Variants in STARD5 observed in about 807,000 individuals in gnomAD.
STARD5 encodes stAR-related lipid transfer protein 5.
STARD5 carries 26 observed loss-of-function variants against 24.6 expected under a neutral mutation model. The ratio of observed to expected loss-of-function variants is 1.06; its 90% CI spans 0.77 to 1.47. The LOEUF is 1.47. STARD5 is among the 40% of genes most tolerant of loss of function. The pLI is 0.00. For synonymous variants in STARD5, 101 were observed against 99.7 expected (o/e 1.01, Z -0.07); for missense variants, 254 against 270.8 (o/e 0.94, Z 0.44).
At chr15:81,319,811 C>T (rs1901159816) in intron 3 of STARD5, among the ~76,000 whole-genome samples, 1 of 152,170 alleles carries the variant, frequency 6.6e-6, no homozygotes, top group Non-Finnish European at 1.5e-5. Context: ...ATCATTAATC[C>T]CTCCTACAGG....
At chr15:81,321,270 T>C (rs1901189188) in intron 3 of STARD5, among the ~76,000 whole-genome samples, 1 of 152,218 alleles carries the variant, frequency 6.6e-6, no homozygotes, top group Non-Finnish European at 1.5e-5. Context: ...AATATAATCA[T>C]GTTATTTTAA....
At chr15:81,315,875 C>A (rs1194790578) in intron 5 of STARD5, among the ~76,000 whole-genome samples, 1 of 152,194 alleles carries the variant, frequency 6.6e-6, no homozygotes, top group Non-Finnish European at 1.5e-5. Context: ...CTGGAGTTCA[C>A]CCTCTTTGGG....
At chr15:81,318,746 ACACT>A (rs1328168310) in intron 4 of STARD5, among the ~76,000 whole-genome samples, 16 of 152,308 alleles carry the variant, frequency 1.1e-4, no homozygotes, top group Non-Finnish European at 1.3e-4. Flanking sequence ...GCACTCACAC[ACACT>A]CACTCATCCA....
intron 3 of STARD5, among the ~76,000 whole-genome samples, chr15:81,320,891 C>G (rs1596072030): frequency 1.3e-5 from 2 of 152,240 alleles, no homozygotes; most frequent in South Asian, 4.1e-4. Context: ...ATGCGACAAA[C>G]TCATGGCATG....
intron 4 of STARD5, among the ~76,000 whole-genome samples, chr15:81,319,104 A>C (rs931811937): frequency 6.6e-5 from 10 of 150,394 alleles, no homozygotes; most frequent in African/African-American, 2.5e-4. Flanking sequence ...GAAAAAAAAA[A>C]AAGGGGCACT....
chr15:81,320,947 T>C (rs1343747510), intron 3 of STARD5, among the ~76,000 whole-genome samples: 1 of 152,236 alleles, frequency 6.6e-6, no homozygotes, highest in Admixed American at 6.5e-5. Context: ...ATCATCTATC[T>C]ATTTTAGAAT....
Position 81,319,393 on chromosome 15 carries a change from A to G in STARD5, c.346T>C (p.Phe116Leu). 6.2e-7 allele frequency: 1 copy of G among 1,614,192 alleles called. No individual in the cohort carries two copies. Among genetic ancestry groups the G allele is most frequent in the African/African-American group, 1.3e-5 (1 of 75,054 alleles). ...CTCTTGACTAGCACCAAGTCCACAA[A>G]ATCTCTGGGAGAAATGAGCTTCATG... ...AAMKLISPRD[F>L]VDLVLVKRYE... Residue 116 changes from phenylalanine to leucine, a missense_variant, in exon 4 of 6, where the codon TTT (phenylalanine) becomes CTT (leucine). Phe to Leu is a conservative substitution (Grantham distance 22). Coordinates refer to ENST00000302824, the MANE Select transcript of STARD5 (RefSeq NM_181900.3).
chr15:81,313,440 A>T (rs759386621), intron 5 of STARD5, 37 bp from the exon 6 acceptor site: 1 of 1,469,066 alleles, frequency 6.8e-7, no homozygotes, highest in Non-Finnish European at 9.0e-7. Context: ...TATGATCTGC[A>T]GCAGAGGTGC....
At chr15:81,318,349 C>G in intron 5 of STARD5, 60 bp downstream of exon 5, 1 of 1,431,844 alleles carries the variant, frequency 7.0e-7, no homozygotes, top group Non-Finnish European at 9.9e-7. Context: ...CACAGAAGGT[C>G]CACAGGGAAG....
At chr15:81,315,286 C>T (rs958468173) in intron 5 of STARD5, among the ~76,000 whole-genome samples, 1 of 152,126 alleles carries the variant, frequency 6.6e-6, no homozygotes, top group Non-Finnish European at 1.5e-5. Flanking sequence ...GATCATGTTT[C>T]CCTCTGGGTG....
intron 2 of STARD5, 130 bp downstream of exon 2, chr15:81,322,769 G>GT: frequency 2.9e-6 from 4 of 1,381,612 alleles, no homozygotes; most frequent in Non-Finnish European, 4.1e-6. Flanking sequence ...ATTAAAAACA[G>GT]TAAGGCTTTT....
At chr15:81,317,026 G>A (rs1213647901) in intron 5 of STARD5, among the ~76,000 whole-genome samples, 6 of 151,996 alleles carry the variant, frequency 3.9e-5, no homozygotes, top group African/African-American at 7.2e-5. Context: ...GTGAAACCCC[G>A]GCTCTACTAA....
chr15:81,318,880 C>CT lies in STARD5; in HGVS notation c.401-379_401-378insA, dbSNP rs1901137293. Among the ~76,000 whole-genome samples the CT allele has an allele frequency of 2.0e-5, 3 of 152,162 alleles. No homozygotes were observed. The South Asian group carries it at 6.2e-4, about 32-fold the overall frequency. ...GGCAGGTGCCTCTCTCAAATCTCAG[C>CT]CAGGAGAGGCATGGATGCATCCAAC... On this transcript the variant is annotated intron_variant, in intron 4 of 5. Transcript: ENST00000302824.
chr15:81,324,009 G>T lies in STARD5; in HGVS notation c.91C>A (p.Arg31=). ...RRDTAGWKIC[R]EGNGVSVSWR... is the part of the protein sequence containing the mutation. ...CCCAGCTCCTCACTCACGCCTTCCC[G>T]GCAAATCTTCCAGCCTGCTGTGTCC... The change falls in exon 1 of 6, where the codon CGG becomes AGG. Residue 31 remains arginine (R), a synonymous_variant. Coordinates refer to ENST00000302824, the MANE Select transcript of STARD5 (RefSeq NM_181900.3). 1 of 1,600,220 alleles carries T rather than the reference G, an allele frequency of 6.2e-7. No individual in the cohort carries two copies. The highest frequency in any genetic ancestry group is 2.3e-5 in the East Asian group (1 of 44,394).
At chr15:81,315,404 T>C (rs1901060690) in intron 5 of STARD5, among the ~76,000 whole-genome samples, 1 of 151,902 alleles carries the variant, frequency 6.6e-6, no homozygotes, top group Admixed American at 6.6e-5. Context: ...ATGTACACCA[T>C]TATGTGACAA....
chr15:81,313,261 C>T lies in STARD5; in HGVS notation c.637G>A (p.Glu213Lys), dbSNP rs777072860. 7 of 1,567,200 alleles carry T rather than the reference C, an allele frequency of 4.5e-6. No individual in the cohort carries two copies. The change falls in exon 6 of 6, where the codon GAG (glutamate) becomes AAG (lysine). Residue 213 changes from glutamate to lysine, a missense_variant. Physicochemically the swap from Glu to Lys is moderately conservative, Grantham distance 56 (BLOSUM62 1). Coordinates refer to ENST00000302824, the MANE Select transcript of STARD5 (RefSeq NM_181900.3). ...GCCAAGAAGTAACGATAGCATTACT[C>T]ATGGAATTGCTTCACTGCTTTCTGA... is the stretch of plus-strand genomic sequence containing the variant. ...NLQKAVKQFH[E>K]
intron 5 of STARD5, among the ~76,000 whole-genome samples, chr15:81,316,029 C>T (rs942595680): frequency 1.3e-5 from 2 of 152,170 alleles, no homozygotes; most frequent in African/African-American, 2.4e-5. Flanking sequence ...CTAGCCTCTC[C>T]TCTTGCTAAC....
intron 5 of STARD5, among the ~76,000 whole-genome samples, chr15:81,316,288 T>C (rs1901081530): frequency 1.3e-5 from 2 of 152,244 alleles, no homozygotes; most frequent in Admixed American, 6.5e-5. Flanking sequence ...CGTCTGATAC[T>C]TACTAGCACA....
At position 81,313,423 on chromosome 15, in the gene STARD5, G is replaced by A. The variant is rs1178243476; in HGVS notation, c.495-20C>T. 6.6e-7 allele frequency: 1 copy of A among 1,515,496 alleles called. No homozygotes were observed. Among genetic ancestry groups the A allele is most frequent in the Admixed American group, 2.1e-5 (1 of 47,364 alleles). The allele number at this position is 1,515,496 out of a possible 1,614,324, so 93.9% of individuals were successfully genotyped here. ...GGTTCCCTGTGAAGGCAACAGCAGA[G>A]CTGTGTTATGATCTGCAGCAGAGGT... is the stretch of plus-strand genomic sequence containing the variant. On this transcript the variant is annotated intron_variant, in intron 5 of 5. Coordinates refer to ENST00000302824, the MANE Select transcript of STARD5 (RefSeq NM_181900.3).
Sources: allele counts gnomAD v4.1 joint callset (sites outside exome capture counted in the v4.1 genomes callset), GRCh38; gene constraint gnomAD v4.1.1; transcripts MANE v1.5; gene names NCBI Gene and HGNC (gene_info 2026-07-23, HGNC 2026-07-21).